CDK17: variants seen among roughly 807,000 people sequenced by gnomAD.
CDK17 encodes cyclin dependent kinase 17, also known as cyclin-dependent kinase 17.
CDK17 carries 24 observed loss-of-function variants against 77.6 expected under a neutral mutation model. The observed-to-expected ratio is 0.31, with a 90% CI of 0.22 to 0.44. The LOEUF (loss-of-function observed/expected upper bound fraction) is 0.44. CDK17 is among the 20% of genes least tolerant of loss of function. The pLI is 1.00. For missense variants in CDK17, 429 were observed against 622.5 expected (o/e 0.69, Z 3.31); for synonymous variants, 203 against 210.4 (o/e 0.96, Z 0.30).
At position 96,311,052 on chromosome 12, in the gene CDK17, T is replaced by C. The variant is rs199589389; in HGVS notation, c.543A>G (p.Leu181=). 3.4e-5 allele frequency: 55 copies of C among 1,596,042 alleles called. No individual in the cohort carries two copies. Among genetic ancestry groups the C allele is most frequent in the Non-Finnish European group, 4.4e-5 (52 of 1,174,822 alleles). The change falls in exon 5 of 17, where the codon TTA becomes TTG. Residue 181 remains leucine, a splice_region_variant and synonymous_variant. Coordinates refer to ENST00000261211, the MANE Select transcript of CDK17 (RefSeq NM_002595.5). ...GAGGTATAGGAGACCAAAAACTTAC[T>C]AAGGAAGCTCTACGAGACCTTCGAC... ...PMSRRSRRAS[L]SEIGFGKMET...
At chr12:96,396,038 T>C (rs1245860343) in intron 1 of CDK17, among the ~76,000 whole-genome samples, 2 of 152,230 alleles carry the variant, frequency 1.3e-5, no homozygotes, top group Non-Finnish European at 2.9e-5. Context: ...GAGAGCAAGA[T>C]AATTTTCACC....
rs753694636 is a variant in CDK17 at position 96,282,630 on chromosome 12, C to CT, written c.1366-32dup. 3 of 1,437,626 alleles carry CT rather than the reference C, an allele frequency of 2.1e-6. No homozygotes were observed. The African/African-American group carries it at 4.2e-5, about 20-fold the overall frequency. The allele number at this position is 1,437,626 out of a possible 1,614,324, so 89.1% of individuals were successfully genotyped here. ...AAAAAGCAAAGAACTGCTTCATTAGCTTTTTCTCTAATTACTGCAAAAAGT... is the reference window on the plus strand; with the variant it reads ...AAAAAGCAAAGAACTGCTTCATTAGCTTTTTTCTCTAATTACTGCAAAAAGT... On this transcript the variant is annotated intron_variant, in intron 14 of 16. Transcript: ENST00000261211.
intron 15 of CDK17, chr12:96,281,699 T>C (rs962759437): frequency 2.0e-5 from 3 of 152,274 alleles, no homozygotes; most frequent in Non-Finnish European, 4.4e-5. Context: ...AAACTTGTAA[T>C]TTATCTTTTT....
intron 2 of CDK17, among the ~76,000 whole-genome samples, chr12:96,330,162 A>G (rs996390223): frequency 6.6e-6 from 1 of 152,184 alleles, no homozygotes; most frequent in African/African-American, 2.4e-5. Flanking sequence ...CAATAATCTC[A>G]ATATATCGTC....
intron 2 of CDK17, among the ~76,000 whole-genome samples, chr12:96,328,120 G>A (rs1460366189): frequency 6.6e-6 from 1 of 152,102 alleles, no homozygotes; most frequent in Non-Finnish European, 1.5e-5. Context: ...TGGTGGCACT[G>A]ATTCTCATAG....
chr12:96,288,958 T>C (rs1478483519), intron 11 of CDK17, among the ~76,000 whole-genome samples: 4 of 152,240 alleles, frequency 2.6e-5, no homozygotes, highest in Non-Finnish European at 5.9e-5. Context: ...GGCCAGTAAT[T>C]TGAATAAAGT....
At chr12:96,283,398 T>A (rs1009027050) in intron 14 of CDK17, among the ~76,000 whole-genome samples, 5 of 150,882 alleles carry the variant, frequency 3.3e-5, no homozygotes, top group Admixed American at 2.0e-4. Context: ...ACCAACTACC[T>A]CAGACTGTTG....
chr12:96,294,977 A>G, intron 10 of CDK17, 22 bp downstream of exon 10: 1 of 1,586,460 alleles, frequency 6.3e-7, no homozygotes, highest in Non-Finnish European at 8.6e-7. Flanking sequence ...AAGTACTAAT[A>G]AATATCTCAT....
In CDK17 at chr12:96,324,067, T is replaced by G; in HGVS notation, c.164A>C (p.His55Pro). 6.2e-7 allele frequency: 1 copy of G among 1,609,918 alleles called. No homozygotes were observed. Among genetic ancestry groups the G allele is most frequent in the Non-Finnish European group, 8.5e-7 (1 of 1,178,086 alleles). Reference protein sequence around the residue: ...NGRPPTSHSMHSFLHQYTGSF... With the variant: ...NGRPPTSHSMPSFLHQYTGSF... ...TCCTGTGTACTGGTGGAGGAAGGAATGCATACTGTGAGACGTTGGAGGCCT... is the reference window on the plus strand; with the variant it reads ...TCCTGTGTACTGGTGGAGGAAGGAAGGCATACTGTGAGACGTTGGAGGCCT... The change falls in exon 3 of 17, where the codon CAT (histidine) becomes CCT (proline). Residue 55 changes from histidine to proline, a missense_variant. Transcript: ENST00000261211.
In CDK17 at chr12:96,313,378, G is replaced by T. The variant is rs2137108153; in HGVS notation, c.360C>A (p.Val120=). Residue 120 remains valine (V), a synonymous_variant, in exon 4 of 17, where the codon GTC becomes GTA. Transcript: ENST00000261211. ...DQASGTSSDE[V]QSPTGVCLRN... is the part of the protein sequence containing the mutation. ...TGAGACAAACACCTGTAGGTGACTG[G>T]ACTTCATCAGATGATGTCCCAGAAG... is the stretch of plus-strand genomic sequence containing the variant. The T allele has an allele frequency of 6.3e-7, 1 of 1,598,906 alleles. No individual in the cohort carries two copies. Among genetic ancestry groups the T allele is most frequent in the East Asian group, 2.3e-5 (1 of 43,752 alleles).
At chr12:96,374,378 T>C (rs927077150) in intron 1 of CDK17, among the ~76,000 whole-genome samples, 2 of 152,358 alleles carry the variant, frequency 1.3e-5, no homozygotes, top group East Asian at 3.9e-4. Flanking sequence ...CAGGTCATTC[T>C]TCACCTAGCC....
rs370601333 is a variant in CDK17 at position 96,393,012 on chromosome 12, G to A, written c.-30+6974C>T. Among the ~76,000 whole-genome samples, 30 of 152,218 alleles carry A rather than the reference G, an allele frequency of 2.0e-4. 1 individual carries two copies. In the South Asian group the frequency reaches 6.2e-3, roughly 31 times the overall value. ...CTTTAAAAATACCAACTGCAAACCTGAGTTAATTGAAAAATTAAATTTATT... is the reference window on the plus strand; with the variant it reads ...CTTTAAAAATACCAACTGCAAACCTAAGTTAATTGAAAAATTAAATTTATT... On this transcript the variant is annotated intron_variant, in intron 1 of 16. Transcript: ENST00000261211.
rs533357884 is a variant in CDK17 at position 96,286,770 on chromosome 12, T to C, written c.1119-9A>G. 2 of 1,585,644 alleles carry C rather than the reference T, an allele frequency of 1.3e-6. No individual in the cohort carries two copies. Among genetic ancestry groups the C allele is most frequent in the South Asian group, 1.1e-5 (1 of 89,654 alleles). On this transcript the variant is annotated splice_polypyrimidine_tract_variant and intron_variant, in intron 11 of 16. Coordinates refer to ENST00000261211, the MANE Select transcript of CDK17 (RefSeq NM_002595.5). The stretch of plus-strand genomic sequence containing the variant: ...AAATGCAACCAACACCCCTTTAAAA[T>C]AGATCATGAAAATAATTTAGCAATT...
Position 96,280,803 on chromosome 12 carries a change from C to T in CDK17, c.1534+5G>A. On this transcript the variant is annotated splice_donor_5th_base_variant and intron_variant, in intron 16 of 16. Transcript: ENST00000261211. ...GACACGTGAAATGGTTTATGACAAA[C>T]ACACCTGTCTCTGGATAAGAAGAAT... 6.2e-7 allele frequency: 1 copy of T among 1,613,684 alleles called. No individual in the cohort carries two copies. The highest frequency in any genetic ancestry group is 8.5e-7 in the Non-Finnish European group (1 of 1,179,886).
rs754897400 is a variant in CDK17 at position 96,283,587 on chromosome 12, G to A, written c.1365+16C>T. 1.3e-6 allele frequency: 2 copies of A among 1,534,792 alleles called. No individual in the cohort carries two copies. Among genetic ancestry groups the A allele is most frequent in the Non-Finnish European group, 1.8e-6 (2 of 1,110,182 alleles). ...CTTAACAACCTATTTAACAATTACTGTAAGAACTGACTTACCTGAAGAAAT... is the reference window on the plus strand; with the variant it reads ...CTTAACAACCTATTTAACAATTACTATAAGAACTGACTTACCTGAAGAAAT... On this transcript the variant is annotated intron_variant, in intron 14 of 16. Transcript: ENST00000261211.
chr12:96,331,118 T>C (rs1311566476), intron 2 of CDK17, among the ~76,000 whole-genome samples: 3 of 152,184 alleles, frequency 2.0e-5, no homozygotes, highest in Non-Finnish European at 2.9e-5. Flanking sequence ...AATTTTTGTA[T>C]TTTTAGTAGA....
At chr12:96,283,878 GAACA>G (rs1215047394) in intron 13 of CDK17, among the ~76,000 whole-genome samples, 1 of 152,086 alleles carries the variant, frequency 6.6e-6, no homozygotes. Context: ...CAATATCCAA[GAACA>G]AATTAAAGAA....
At chr12:96,353,616 G>A (rs530271720) in intron 1 of CDK17, among the ~76,000 whole-genome samples, 17 of 145,052 alleles carry the variant, frequency 1.2e-4, no homozygotes, top group African/African-American at 1.3e-4. Context: ...GGGGGGGGGC[G>A]CGGGTACAAA....
chr12:96,280,819 TAAG>T lies in CDK17; in HGVS notation c.1520_1522del (p.Ser507del), dbSNP rs1422637406. The T allele has an allele frequency of 3.1e-6, 5 of 1,614,046 alleles. No individual in the cohort carries two copies. The highest frequency in any genetic ancestry group is 1.7e-5 in the Admixed American group (1 of 60,018). On this transcript the variant is annotated inframe_deletion, in exon 16 of 17. Coordinates refer to ENST00000261211, the MANE Select transcript of CDK17 (RefSeq NM_002595.5). ...TATGACAAACACACCTGTCTCTGGA[TAAG>T]AAGAATTTCGAAAACCCGGGTCCTT...
Sources: gnomAD v4.1 joint callset for allele counts (sites outside exome capture counted in the v4.1 genomes callset) on GRCh38, gnomAD v4.1.1 for gene constraint, MANE v1.5 for transcripts, NCBI Gene and HGNC (gene_info 2026-07-23, HGNC 2026-07-21) for gene names.